Variants in MOV10 observed in about 807,000 individuals in gnomAD.
MOV10 encodes Mov10 RNA helicase, also known as RNA helicase MOV-10.
MOV10 carries 39 observed loss-of-function variants against 108.4 expected under a neutral mutation model. That is an observed-to-expected ratio of 0.36 (90% CI 0.28 to 0.47). MOV10 has a LOEUF of 0.47. Among genes scored for constraint, MOV10 ranks in the 20% least tolerant of loss-of-function variants. MOV10 has a pLI of 1.00. For missense variants in MOV10, 952 were observed against 1,297.6 expected, an observed-to-expected ratio of 0.73 and a Z score of 4.09; for synonymous variants, 490 against 523.1, an observed-to-expected ratio of 0.94 and a Z score of 0.86.
At position 112,698,342 on chromosome 1, in the gene MOV10, G is replaced by A. The variant is rs1331391234; in HGVS notation, c.2372G>A (p.Ser791Asn). ...GGCAAAGATGAGCGTGAAGGCAACA[G>A]CCCATCCTTCTTCAACCCTGAAGAG... is the stretch of plus-strand genomic sequence containing the variant. The part of the protein sequence containing the change: ...VMGKDEREGN[S>N]PSFFNPEEAA... Residue 791 changes from serine to asparagine, a missense_variant, in exon 16 of 21, where the codon AGC (serine) becomes AAC (asparagine). Ser to Asn is a conservative substitution (Grantham distance 46, BLOSUM62 1). Transcript: ENST00000369645. The A allele has an allele frequency of 6.2e-7, 1 of 1,614,184 alleles. No homozygotes were observed. Among genetic ancestry groups the A allele is most frequent in the Non-Finnish European group, 8.5e-7 (1 of 1,180,026 alleles).
At chr1:112,697,492 A>G (rs1674211716) in intron 14 of MOV10, among the ~76,000 whole-genome samples, 1 of 152,130 alleles carries the variant, frequency 6.6e-6, no homozygotes, top group Non-Finnish European at 1.5e-5. Flanking sequence ...AAAAATAGGG[A>G]AGATACAGTT....
At chr1:112,690,127 C>A in intron 5 of MOV10, 29 bp downstream of exon 5, 1 of 1,606,592 alleles carries the variant, frequency 6.2e-7, no homozygotes, top group Non-Finnish European at 8.5e-7. Context: ...TCAGCCCTGG[C>A]TGGGCTCGTA....
chr1:112,699,465 T>C (rs1165234458), intron 17 of MOV10: 2 of 1,405,842 alleles, frequency 1.4e-6, no homozygotes, highest in Non-Finnish European at 9.2e-7. Flanking sequence ...TAGAACACTT[T>C]GCAGGCCCCA....
chr1:112,676,572 C>A (rs1403260710), intron 2 of MOV10, among the ~76,000 whole-genome samples: 1 of 152,014 alleles, frequency 6.6e-6, no homozygotes, highest in Non-Finnish European at 1.5e-5. Flanking sequence ...GGATTTATGA[C>A]CAATGAACAG....
intron 3 of MOV10, 123 bp downstream of exon 3, chr1:112,689,261 G>A: frequency 6.4e-6 from 8 of 1,257,270 alleles, no homozygotes; most frequent in Non-Finnish European, 9.0e-6. Flanking sequence ...TCAGGGAATG[G>A]GGGAAGGGCA....
chr1:112,690,637 G>C (rs1026271995), intron 5 of MOV10, among the ~76,000 whole-genome samples: 3 of 152,094 alleles, frequency 2.0e-5, no homozygotes, highest in Admixed American at 6.6e-5. Flanking sequence ...TGGGATTACA[G>C]GGGCGAGCCA....
In MOV10 at chr1:112,696,491, G is replaced by A. The variant is rs1330901012; in HGVS notation, c.1938G>A (p.Glu646=). 3 of 1,614,184 alleles carry A rather than the reference G, an allele frequency of 1.9e-6. No individual in the cohort carries two copies. The highest frequency in any genetic ancestry group is 2.2e-5 in the South Asian group (2 of 91,088). ...IDHFTHIFID[E]AGHCMEPESL... is the part of the protein sequence containing the mutation. The stretch of plus-strand genomic sequence containing the variant: ...ACTTCACACACATCTTCATCGATGA[G>A]GCTGGCCACTGCATGGAGCCTGAGA... The change falls in exon 13 of 21, where the codon GAG becomes GAA. Residue 646 remains glutamate (E), a synonymous_variant. Coordinates refer to ENST00000369645, the MANE Select transcript of MOV10 (RefSeq NM_001321324.2).
At position 112,690,033 on chromosome 1, in the gene MOV10, G is replaced by GCGGACC; in HGVS notation, c.776_781dup (p.Thr259_Arg260dup). Reference sequence around the variant, plus strand: ...AGCTGAAGCCCATGACTCCCTTCAAGCGGACCCGGATCACCGGAAACCCTG... The same window carrying GCGGACC: ...AGCTGAAGCCCATGACTCCCTTCAAGCGGACCCGGACCCGGATCACCGGAAACCCTG... On this transcript the variant is annotated inframe_insertion, in exon 5 of 21. Transcript: ENST00000369645. 5.0e-6 allele frequency: 8 copies of GCGGACC among 1,614,112 alleles called. No individual in the cohort carries two copies. Among genetic ancestry groups the GCGGACC allele is most frequent in the South Asian group, 1.1e-5 (1 of 91,090 alleles).
chr1:112,680,378 C>T (rs754159984), intron 2 of MOV10, among the ~76,000 whole-genome samples: 78 of 152,070 alleles, frequency 5.1e-4, no homozygotes, highest in Middle Eastern at 3.4e-3. Context: ...ACTTTTGGGC[C>T]GGGCGCGGTG....
chr1:112,688,123 C>T (rs551007932), intron 2 of MOV10, among the ~76,000 whole-genome samples: 13 of 152,194 alleles, frequency 8.5e-5, no homozygotes, highest in African/African-American at 2.9e-4. Context: ...CCAAGCACCA[C>T]GCTGGAATGT....
At chr1:112,691,248 G>A (rs997262962) in intron 5 of MOV10, among the ~76,000 whole-genome samples, 1 of 152,178 alleles carries the variant, frequency 6.6e-6, no homozygotes, top group Non-Finnish European at 1.5e-5. Context: ...TTGCGCCATT[G>A]CACTTCAGCC....
chr1:112,680,655 C>CAAAAAA (rs1229116415), intron 2 of MOV10, among the ~76,000 whole-genome samples: 2 of 36,892 alleles, frequency 5.4e-5, no homozygotes, highest in Non-Finnish European at 9.6e-5. Context: ...GACTCCGTCT[C>CAAAAAA]AAAAAAAAAA....
chr1:112,695,614 CGGGGA>C (rs1426583300), intron 11 of MOV10, 40 bp downstream of exon 11: 8 of 1,597,018 alleles, frequency 5.0e-6, no homozygotes, highest in Non-Finnish European at 6.8e-6. Context: ...TGGCAAATGC[CGGGGA>C]GGCTCTCAGG....
intron 3 of MOV10, 54 bp downstream of exon 3, chr1:112,689,192 A>G: frequency 6.6e-7 from 1 of 1,517,324 alleles, no homozygotes; most frequent in East Asian, 2.4e-5. Context: ...GTGTGAGGGA[A>G]GGGGGCTATC....
chr1:112,687,281 G>A (rs1673149296), intron 2 of MOV10, among the ~76,000 whole-genome samples: 1 of 152,106 alleles, frequency 6.6e-6, no homozygotes, highest in Non-Finnish European at 1.5e-5. Context: ...AATTGTACCA[G>A]TCTCATTTGC....
At chr1:112,681,255 G>A (rs1383523285) in intron 2 of MOV10, among the ~76,000 whole-genome samples, 1 of 151,980 alleles carries the variant, frequency 6.6e-6, no homozygotes, top group Non-Finnish European at 1.5e-5. Context: ...ACTTTGGGAG[G>A]CCAAGGCGGG....
intron 19 of MOV10, 100 bp from the exon 20 acceptor site, chr1:112,700,119 T>C (rs1353558709): frequency 3.1e-6 from 5 of 1,593,488 alleles, no homozygotes; most frequent in South Asian, 2.2e-5. Flanking sequence ...ATTGTATTTA[T>C]AAGTTAAATG....
chr1:112,688,504 C>T (rs1673272959), intron 2 of MOV10: 5 of 1,076,268 alleles, frequency 4.6e-6, no homozygotes, highest in South Asian at 5.9e-5. Flanking sequence ...CTGGACCCCA[C>T]ATCCACCCCT....
At chr1:112,688,718 G>A (rs1467418275) in intron 2 of MOV10, 2 of 1,429,794 alleles carry the variant, frequency 1.4e-6, no homozygotes, top group Non-Finnish European at 1.8e-6. Context: ...TAAAACAACT[G>A]TATTTTGCCT....
Sources: allele counts gnomAD v4.1 joint callset (sites outside exome capture counted in the v4.1 genomes callset), GRCh38; gene constraint gnomAD v4.1.1; transcripts MANE v1.5; gene names NCBI Gene and HGNC (gene_info 2026-07-23, HGNC 2026-07-21).